DLGAP5: variants seen among roughly 807,000 people sequenced by gnomAD.
The protein encoded by DLGAP5 is DLG associated protein 5, also known as disks large-associated protein 5.
In DLGAP5, 90 loss-of-function variants were observed where a neutral mutation model predicts 99.6. The observed-to-expected ratio is 0.90, with a 90% confidence interval of 0.76 to 1.08. DLGAP5 has a LOEUF of 1.08. Among genes scored for constraint, DLGAP5 ranks in the 50% least tolerant of loss-of-function variants. DLGAP5 has a pLI of 0.00. For synonymous variants in DLGAP5, 311 were observed against 321.3 expected (o/e 0.97, Z 0.34); for missense variants, 1,036 against 983.5 (o/e 1.05, Z -0.71).
rs900821383 is a variant in DLGAP5 at position 55,185,198 on chromosome 14, TTTTA to T, written c.239-1449_239-1446del. ...TTACCTGTATCTCTACTATCAACAC[TTTTA>T]TTTATTTATTTATTTGAGGCAGAGT... On this transcript the variant is annotated intron_variant, in intron 2 of 18. Coordinates refer to ENST00000247191, the MANE Select transcript of DLGAP5 (RefSeq NM_014750.5). Among the ~76,000 whole-genome samples, 182 of 152,230 alleles carry T rather than the reference TTTTA, an allele frequency of 1.2e-3. 1 individual carries two copies. Among genetic ancestry groups the T allele is most frequent in the African/African-American group, 4.0e-3 (166 of 41,556 alleles).
intron 9 of DLGAP5, 127 bp downstream of exon 9, chr14:55,175,767 A>G (rs1883039544): frequency 3.6e-6 from 3 of 833,226 alleles, no homozygotes; most frequent in South Asian, 2.4e-5. Context: ...ATGGTGAAAA[A>G]GAGCTCCAAA....
chr14:55,168,483 C>G (rs897503568), intron 12 of DLGAP5, among the ~76,000 whole-genome samples: 2 of 152,120 alleles, frequency 1.3e-5, no homozygotes, highest in African/African-American at 4.8e-5. Context: ...AGGTTTGAAG[C>G]TTTTTTCAAT....
At position 55,177,263 on chromosome 14, in the gene DLGAP5, G is replaced by A. The variant is rs1883103844; in HGVS notation, c.848C>T (p.Pro283Leu). The A allele has an allele frequency of 6.2e-7, 1 of 1,611,658 alleles. No homozygotes were observed. Among genetic ancestry groups the A allele is most frequent in the Non-Finnish European group, 8.5e-7 (1 of 1,179,310 alleles). Residue 283 changes from proline (P) to leucine (L), a missense_variant, in exon 8 of 19, where the codon CCA becomes CTA. Coordinates refer to ENST00000247191, the MANE Select transcript of DLGAP5 (RefSeq NM_014750.5). ...TTCCATTTTTGATAAGACTCCATCTGGATTCATTCCACTTGTTGCATTAGT... is the reference window on the plus strand; with the variant it reads ...TTCCATTTTTGATAAGACTCCATCTAGATTCATTCCACTTGTTGCATTAGT... ...SQTNATSGMNPDGVLSKMENL... is the reference protein window; with the variant it reads ...SQTNATSGMNLDGVLSKMENL...
At chr14:55,164,189 C>T (rs1882551745) in intron 12 of DLGAP5, among the ~76,000 whole-genome samples, 1 of 152,008 alleles carries the variant, frequency 6.6e-6, no homozygotes, top group Admixed American at 6.6e-5. Flanking sequence ...ATGTAAATGT[C>T]TCTGGGCACT....
intron 3 of DLGAP5, among the ~76,000 whole-genome samples, chr14:55,182,768 G>A (rs1179961731): frequency 1.3e-5 from 2 of 152,140 alleles, no homozygotes; most frequent in East Asian, 3.9e-4. Flanking sequence ...ACCTAAAAGT[G>A]CTCTCTAGAG....
intron 2 of DLGAP5, 143 bp from the exon 3 acceptor site, chr14:55,183,896 T>A: frequency 1.3e-6 from 1 of 798,678 alleles, no homozygotes; most frequent in Non-Finnish European, 1.8e-6. Flanking sequence ...CTCACGCCTG[T>A]AATCCCAGCA....
chr14:55,163,901 A>G (rs994196738), intron 12 of DLGAP5, among the ~76,000 whole-genome samples: 2 of 152,104 alleles, frequency 1.3e-5, no homozygotes, highest in African/African-American at 4.8e-5. Context: ...GGGTTTTAAG[A>G]GCTCTTTGTA....
intron 12 of DLGAP5, among the ~76,000 whole-genome samples, chr14:55,164,482 A>G (rs1346702613): frequency 6.6e-6 from 1 of 152,168 alleles, no homozygotes; most frequent in Non-Finnish European, 1.5e-5. Flanking sequence ...ATCTCATACC[A>G]TACACAAAAA....
intron 2 of DLGAP5, among the ~76,000 whole-genome samples, chr14:55,187,017 T>G (rs1214080209): frequency 6.6e-6 from 1 of 152,042 alleles, no homozygotes; most frequent in East Asian, 1.9e-4. Context: ...CAGGTGATTC[T>G]CCTGCCTCAG....
chr14:55,175,082 G>GT (rs1454388841), intron 10 of DLGAP5, among the ~76,000 whole-genome samples: 5 of 152,298 alleles, frequency 3.3e-5, no homozygotes, highest in African/African-American at 1.2e-4. Context: ...CAAGAAATGA[G>GT]TAACACTTGC....
At chr14:55,190,764 G>A (rs1454880211) in intron 1 of DLGAP5, among the ~76,000 whole-genome samples, 1 of 152,160 alleles carries the variant, frequency 6.6e-6, no homozygotes, top group Admixed American at 6.5e-5. Context: ...AAGACCCAAG[G>A]AAAGTGACAA....
chr14:55,156,676 T>C (rs1353974888), intron 14 of DLGAP5, among the ~76,000 whole-genome samples: 2 of 152,114 alleles, frequency 1.3e-5, no homozygotes, highest in African/African-American at 4.8e-5. Flanking sequence ...GATCACCAGA[T>C]TCCCGAGGAA....
rs1463834540 is a variant in DLGAP5 at position 55,151,696 on chromosome 14, T to C, written c.2367A>G (p.Ser789=). 1 of 1,612,258 alleles carries C rather than the reference T, an allele frequency of 6.2e-7. No homozygotes were observed. The highest frequency in any genetic ancestry group is 8.5e-7 in the Non-Finnish European group (1 of 1,179,356). The part of the protein sequence containing the change: ...LEEGETKISQ[S]ELFDNKSLTT... ...TTAAATATATTTTAAATATCTCACC[T>C]GACTGAGAAATTTTAGTTTCCCCTT... The change falls in exon 17 of 19, where the codon TCA becomes TCG. Residue 789 remains serine (S), a splice_region_variant and synonymous_variant. Coordinates refer to ENST00000247191, the MANE Select transcript of DLGAP5 (RefSeq NM_014750.5).
At position 55,179,630 on chromosome 14, in the gene DLGAP5, T is replaced by C. The variant is rs976730464; in HGVS notation, c.773A>G (p.Lys258Arg). ...PAKNVETKPD[K>R]GISCKVDSEE... is the part of the protein sequence containing the mutation. ...ATTAAAAAGATGTTTATTCTCTACC[T>C]TGTCGGGTTTTGTTTCTACATTTTT... Residue 258 changes from lysine to arginine, a missense_variant and splice_region_variant, in exon 7 of 19, where the codon AAG becomes AGG. Physicochemically the swap from Lys to Arg is conservative, Grantham distance 26. Transcript: ENST00000247191. The C allele has an allele frequency of 1.1e-5, 17 of 1,610,814 alleles. No individual in the cohort carries two copies. Among genetic ancestry groups the C allele is most frequent in the African/African-American group, 4.0e-5 (3 of 74,830 alleles).
intron 2 of DLGAP5, among the ~76,000 whole-genome samples, chr14:55,185,586 A>C (rs1883408951): frequency 6.6e-6 from 1 of 151,420 alleles, no homozygotes; most frequent in Non-Finnish European, 1.5e-5. Flanking sequence ...TCCTGAGTTC[A>C]AGCAATTCTG....
chr14:55,151,629 T>C, intron 17 of DLGAP5, 66 bp downstream of exon 17: 2 of 1,503,926 alleles, frequency 1.3e-6, no homozygotes, highest in Non-Finnish European at 1.8e-6. Flanking sequence ...TATAGGATAA[T>C]TTATACCTTA....
chr14:55,180,820 T>A, intron 5 of DLGAP5, 42 bp from the exon 6 acceptor site: 1 of 1,608,626 alleles, frequency 6.2e-7, no homozygotes, highest in South Asian at 1.1e-5. Context: ...TCCCTTGTAG[T>A]TATGAAATTA....
chr14:55,176,895 G>A (rs922250053), intron 8 of DLGAP5, among the ~76,000 whole-genome samples, 167 bp downstream of exon 8: 6 of 143,896 alleles, frequency 4.2e-5, no homozygotes, highest in Non-Finnish European at 7.5e-5. Flanking sequence ...GAAGAATGGC[G>A]TGAACCCGGG....
Position 55,177,113 on chromosome 14 carries a change from G to A in DLGAP5, c.998C>T (p.Ala333Val). Residue 333 changes from alanine (A) to valine (V), a missense_variant, in exon 8 of 19, where the codon GCC becomes GTC. Coordinates refer to ENST00000247191, the MANE Select transcript of DLGAP5 (RefSeq NM_014750.5). ...GTAACTGGGTGTCAAAAAAGCATTG[G>A]CACTTCTGGGAGTCATAGGTGTTAC... ...YQVTPMTPRSANAFLTPSYTW... is the reference protein window; with the variant it reads ...YQVTPMTPRSVNAFLTPSYTW... 6.5e-7 allele frequency: 1 copy of A among 1,541,594 alleles called. No individual in the cohort carries two copies. The highest frequency in any genetic ancestry group is 8.7e-7 in the Non-Finnish European group (1 of 1,149,610).
Sources: gnomAD v4.1 joint callset for allele counts (sites outside exome capture counted in the v4.1 genomes callset) on GRCh38, gnomAD v4.1.1 for gene constraint, MANE v1.5 for transcripts, NCBI Gene and HGNC (gene_info 2026-07-23, HGNC 2026-07-21) for gene names.